Variants in GPLD1 observed in about 807,000 individuals in gnomAD.
GPLD1 encodes phosphatidylinositol-glycan-specific phospholipase D.
Under a neutral mutation model 112.6 loss-of-function variants are expected in GPLD1, and 84 were observed. The ratio of observed to expected loss-of-function variants is 0.75; its 90% CI spans 0.63 to 0.89. The LOEUF (loss-of-function observed/expected upper bound fraction) is 0.89, where lower values mean the gene tolerates loss of function less well. Ranked by LOEUF, GPLD1 falls within the 40% of genes least tolerant of loss-of-function variation. GPLD1 has a pLI of 0.00. For missense variants in GPLD1, 1,044 were observed against 1,051.5 expected (o/e 0.99, Z 0.10); for synonymous variants, 386 against 403.8 (o/e 0.96, Z 0.53).
chr6:24,449,480 G>C (rs1443547630), intron 15 of GPLD1, among the ~76,000 whole-genome samples: 1 of 152,184 alleles, frequency 6.6e-6, no homozygotes, highest in South Asian at 2.1e-4. Flanking sequence ...AACTACAGAT[G>C]AGCTGGGATT....
At chr6:24,433,329 T>C in intron 23 of GPLD1, 34 bp downstream of exon 23, 1 of 1,600,702 alleles carries the variant, frequency 6.2e-7, no homozygotes, top group Non-Finnish European at 8.6e-7. Flanking sequence ...GTTTTGGTAA[T>C]TTTTCTTTCT....
chr6:24,448,338 G>T, intron 15 of GPLD1, 130 bp from the exon 16 acceptor site: 1 of 400,220 alleles, frequency 2.5e-6, no homozygotes, highest in Non-Finnish European at 4.8e-6. Flanking sequence ...CCAGTGCTTT[G>T]GGAGGCCCAA....
rs577170124 is a variant in GPLD1 at position 24,472,758 on chromosome 6, A to G, written c.491-122T>C. 3.3e-3 allele frequency: 2,139 copies of G among 656,698 alleles called. 5 individuals carry two copies. Among genetic ancestry groups the G allele is most frequent in the Non-Finnish European group, 3.8e-3 (1,400 of 368,254 alleles). 40.7% of individuals were successfully genotyped at this position (656,698 alleles called of 1,614,324 possible). A position where few individuals can be genotyped will look rare whatever the true frequency, so the allele number is the denominator to read the frequency against. ...TTCACATTATTACATGTTTTTGTTC[A>G]TTGTTTTAGGTAAAGGCATGCCTTT... On this transcript the variant is annotated intron_variant, in intron 6 of 24. Coordinates refer to ENST00000230036, the MANE Select transcript of GPLD1 (RefSeq NM_001503.4).
chr6:24,459,567 C>G (rs1367864348), intron 12 of GPLD1, among the ~76,000 whole-genome samples: 1 of 152,152 alleles, frequency 6.6e-6, no homozygotes, highest in Non-Finnish European at 1.5e-5. Flanking sequence ...TCCCTACTAT[C>G]TAATGATGCA....
At position 24,433,358 on chromosome 6, in the gene GPLD1, C is replaced by T. The variant is rs1209173792; in HGVS notation, c.2385+5G>A. On this transcript the variant is annotated splice_donor_5th_base_variant and intron_variant, in intron 23 of 24. Coordinates refer to ENST00000230036, the MANE Select transcript of GPLD1 (RefSeq NM_001503.4). ...TCTTTCTTCAGTCTTTCAAGGGATA[C>T]TTACTTCAGGAGAAATCAATACATA... 6.2e-7 allele frequency: 1 copy of T among 1,608,380 alleles called. No homozygotes were observed. Among genetic ancestry groups the T allele is most frequent in the Non-Finnish European group, 8.5e-7 (1 of 1,175,144 alleles).
At chr6:24,434,195 C>T (rs1449442616) in intron 22 of GPLD1, among the ~76,000 whole-genome samples, 2 of 151,830 alleles carry the variant, frequency 1.3e-5, no homozygotes, top group East Asian at 1.9e-4. Context: ...GTCAGGAGTT[C>T]GAGACCAGCT....
At chr6:24,454,725 G>C (rs141942482) in intron 13 of GPLD1, among the ~76,000 whole-genome samples, 1 of 152,358 alleles carries the variant, frequency 6.6e-6, no homozygotes, top group East Asian at 1.9e-4. Context: ...GAGATTCCAA[G>C]AGCCACCAGT....
At chr6:24,467,109 CTG>C in intron 8 of GPLD1, 56 bp downstream of exon 8, 1 of 1,171,298 alleles carries the variant, frequency 8.5e-7, no homozygotes, top group Admixed American at 1.7e-5. Flanking sequence ...AACATAAAAA[CTG>C]TGCAAAGGAA....
Position 24,448,206 on chromosome 6 carries a change from AC to A in GPLD1, c.1448del (p.Gly483ValfsTer40), listed in dbSNP as rs768870015. On this transcript the variant is annotated frameshift_variant and splice_region_variant, in exon 16 of 25. Transcript: ENST00000230036. LOFTEE classifies it high-confidence loss of function. ...TGGAACCAAAGTAGACATACACGGC[AC>A]CCTAGATAAGGACAAACAGCAGATA... ...SVGSEQLTYK[G>X]AVYVYFGSKQ... The A allele has an allele frequency of 3.1e-6, 5 of 1,601,076 alleles. No individual in the cohort carries two copies. In the East Asian group the frequency reaches 1.1e-4, roughly 36 times the overall value.
chr6:24,485,419 A>AGCAC (rs1290617048), intron 2 of GPLD1, among the ~76,000 whole-genome samples: 3 of 152,150 alleles, frequency 2.0e-5, no homozygotes, highest in African/African-American at 7.2e-5. Context: ...CACATATACT[A>AGCAC]ATATTGGAAT....
Position 24,469,995 on chromosome 6 carries a change from C to T in GPLD1, c.545+2587G>A, listed in dbSNP as rs576848450. ...TAAATGAATCACCAAGCTAGCAGGA[C>T]AGCAGAAATTTTTCAAAGGCCAAAA... is the stretch of plus-strand genomic sequence containing the variant. On this transcript the variant is annotated intron_variant, in intron 7 of 24. Transcript: ENST00000230036. 4.1e-4 allele frequency among the ~76,000 whole-genome samples: 63 copies of T among 152,148 alleles called. No homozygotes were observed. In the South Asian group the frequency reaches 0.01, roughly 25 times the overall value.
intron 1 of GPLD1, among the ~76,000 whole-genome samples, chr6:24,488,327 G>A (rs191964816): frequency 2.8e-4 from 43 of 152,116 alleles, no homozygotes; most frequent in African/African-American, 1.0e-3. Flanking sequence ...CAGGAGAATG[G>A]TGTGAACCCA....
intron 13 of GPLD1, among the ~76,000 whole-genome samples, chr6:24,454,876 C>A (rs1459930959): frequency 1.3e-5 from 2 of 152,248 alleles, no homozygotes; most frequent in African/African-American, 4.8e-5. Context: ...CGCCTGTAAT[C>A]CCAGCACTTT....
chr6:24,466,791 G>A lies in GPLD1; in HGVS notation c.710C>T (p.Pro237Leu), dbSNP rs748751530. Reference sequence around the variant, plus strand: ...CTCTTGGAATTGTTCCACCAAAAACGGGGACTTTGTAGAGTAAGTGGGATA... The same window carrying A: ...CTCTTGGAATTGTTCCACCAAAAACAGGGACTTTGTAGAGTAAGTGGGATA... ...KLYPTYSTKSPFLVEQFQEYF... is the reference protein window; with the variant it reads ...KLYPTYSTKSLFLVEQFQEYF... Residue 237 changes from proline to leucine, a missense_variant, in exon 10 of 25, where the codon CCG (proline) becomes CTG (leucine). Coordinates refer to ENST00000230036, the MANE Select transcript of GPLD1 (RefSeq NM_001503.4). The A allele has an allele frequency of 1.5e-5, 24 of 1,611,756 alleles. No individual in the cohort carries two copies. Among genetic ancestry groups the A allele is most frequent in the African/African-American group, 9.4e-5 (7 of 74,864 alleles).
rs943389181 is a variant in GPLD1, at chr6:24,427,738, T to G, written c.*1294A>C. On this transcript the variant is annotated 3_prime_UTR_variant, in exon 25 of 25. Transcript: ENST00000230036. ...TTGTGCACCTGTAGTCCCAGCTGCCTGGGAGGCTGAGACAGGAGAATCACT... is the reference window on the plus strand; with the variant it reads ...TTGTGCACCTGTAGTCCCAGCTGCCGGGGAGGCTGAGACAGGAGAATCACT... 2.1e-5 allele frequency among the ~76,000 whole-genome samples: 3 copies of G among 145,412 alleles called. No individual in the cohort carries two copies. Among genetic ancestry groups the G allele is most frequent in the Non-Finnish European group, 4.5e-5 (3 of 67,230 alleles).
At chr6:24,485,568 G>A (rs1458126055) in intron 2 of GPLD1, among the ~76,000 whole-genome samples, 1 of 151,974 alleles carries the variant, frequency 6.6e-6, no homozygotes, top group Non-Finnish European at 1.5e-5. Context: ...AAATGTTCAA[G>A]TAGCACTTGG....
At position 24,433,244 on chromosome 6, in the gene GPLD1, A is replaced by C; in HGVS notation, c.2386-7T>G. Reference sequence around the variant, plus strand: ...TCCCAAACCTTGAGCTGGCCTGTAAAACATGCCGTCTGTTAATGGGCTTTG... The same window carrying C: ...TCCCAAACCTTGAGCTGGCCTGTAACACATGCCGTCTGTTAATGGGCTTTG... On this transcript the variant is annotated splice_region_variant and splice_polypyrimidine_tract_variant and intron_variant, in intron 23 of 24. Coordinates refer to ENST00000230036, the MANE Select transcript of GPLD1 (RefSeq NM_001503.4). The C allele has an allele frequency of 6.2e-7, 1 of 1,611,704 alleles. No homozygotes were observed. Among genetic ancestry groups the C allele is most frequent in the Non-Finnish European group, 8.5e-7 (1 of 1,177,778 alleles).
chr6:24,494,920 T>C, intron 1 of GPLD1: 5 of 1,247,466 alleles, frequency 4.0e-6, no homozygotes, highest in Non-Finnish European at 5.0e-6. Context: ...CTCGCTCCTC[T>C]TGCTTCCCCG....
chr6:24,453,963 T>A, intron 14 of GPLD1, 52 bp downstream of exon 14: 1 of 1,160,626 alleles, frequency 8.6e-7, no homozygotes, highest in Non-Finnish European at 1.3e-6. Flanking sequence ...TGCCACAAAA[T>A]GCAAGAGTAG....
Sources: gnomAD v4.1 joint callset for allele counts (sites outside exome capture counted in the v4.1 genomes callset) on GRCh38, gnomAD v4.1.1 for gene constraint, MANE v1.5 for transcripts, NCBI Gene and HGNC (gene_info 2026-07-23, HGNC 2026-07-21) for gene names.